Variants in EDA observed in about 807,000 individuals in gnomAD.
EDA encodes ectodysplasin-A.
Under a neutral mutation model 23.6 loss-of-function variants are expected in EDA, and 2 were observed. That is an observed-to-expected ratio of 0.08 (90% confidence interval 0.03 to 0.27). The LOEUF is 0.27. EDA is among the 10% of genes least tolerant of loss of function. The pLI, the probability that EDA is intolerant of heterozygous loss-of-function variation, is 1.00. For missense variants in EDA, 229 were observed against 324.2 expected (o/e 0.71, Z 2.26); for synonymous variants, 131 against 132.0 (o/e 0.99, Z 0.05).
chrX:69,737,156 A>C (rs1392820021), intron 1 of EDA, among the ~76,000 whole-genome samples: 1 of 111,882 alleles, frequency 8.9e-6, no homozygotes, highest in Non-Finnish European at 1.9e-5. Context: ...TGAGTCTCTT[A>C]TGGACAACAT....
chrX:69,798,242 G>T (rs757864533), intron 1 of EDA, among the ~76,000 whole-genome samples: 11 of 110,776 alleles, frequency 9.9e-5, no homozygotes, highest in African/African-American at 3.3e-4. Context: ...TCCACTCTCG[G>T]TATTAGACAG....
In EDA at chrX:69,851,478, A is replaced by G. The variant is rs564397433; in HGVS notation, c.397-105549A>G. On this transcript the variant is annotated intron_variant, in intron 1 of 7. Transcript: ENST00000374552. ...ATAACTTATGCCAACAATGCTTTGG[A>G]TGTATTCACCTATGTGTGCATCTGT... 2.4e-4 allele frequency among the ~76,000 whole-genome samples: 27 copies of G among 112,517 alleles called. No homozygotes were observed. In the South Asian group the frequency reaches 9.1e-3, roughly 38 times the overall value.
intron 1 of EDA, among the ~76,000 whole-genome samples, chrX:69,716,347 T>C: frequency 8.9e-6 from 1 of 111,900 alleles, no homozygotes; most frequent in Non-Finnish European, 1.9e-5. Flanking sequence ...ATTGCTTGTT[T>C]TTGTTGACTT....
chrX:69,696,646 T>C (rs993395728), intron 1 of EDA, among the ~76,000 whole-genome samples: 1 of 111,936 alleles, frequency 8.9e-6, no homozygotes, highest in African/African-American at 3.2e-5. Flanking sequence ...TTGATTAGGA[T>C]TTTCAACTCT....
intron 1 of EDA, among the ~76,000 whole-genome samples, chrX:69,631,625 C>CTTT (rs201914976): frequency 9.9e-6 from 1 of 101,057 alleles, no homozygotes. Context: ...CTGTTAAAAT[C>CTTT]TTTTTTTTTT....
chrX:70,013,946 G>A lies in EDA; in HGVS notation c.503-9272G>A, dbSNP rs1175153340. On this transcript the variant is annotated intron_variant, in intron 2 of 7. Coordinates refer to ENST00000374552, the MANE Select transcript of EDA (RefSeq NM_001399.5). Reference sequence around the variant, plus strand: ...GCAGGGTGCCCTGGCTTGGGCCCACGGCACAGCTGCCCTACCCCAGGCTGA... The same window carrying A: ...GCAGGGTGCCCTGGCTTGGGCCCACAGCACAGCTGCCCTACCCCAGGCTGA... Among the ~76,000 whole-genome samples, 4 of 112,024 alleles carry A rather than the reference G, an allele frequency of 3.6e-5. 1 individual carries two copies. In the Middle Eastern group the frequency reaches 0.014, roughly 385 times the overall value.
At chrX:69,826,285 T>A (rs1338879621) in intron 1 of EDA, among the ~76,000 whole-genome samples, 1 of 110,971 alleles carries the variant, frequency 9.0e-6, no homozygotes, top group African/African-American at 3.3e-5. Context: ...ATCTGTCTAA[T>A]GTTGACAGTG....
At chrX:69,627,549 A>T (rs763210584) in intron 1 of EDA, among the ~76,000 whole-genome samples, 1 of 111,797 alleles carries the variant, frequency 8.9e-6, no homozygotes, top group Admixed American at 9.5e-5. Context: ...GACCATGGGC[A>T]TATATAGTTT....
chrX:69,781,602 G>T (rs1351185816), intron 1 of EDA, among the ~76,000 whole-genome samples: 2 of 111,617 alleles, frequency 1.8e-5, no homozygotes, highest in African/African-American at 6.5e-5. Context: ...TAAAGTTGAA[G>T]TTAGTCATGT....
intron 3 of EDA, among the ~76,000 whole-genome samples, chrX:70,023,795 A>G (rs190674416): frequency 4.5e-4 from 50 of 111,799 alleles, no homozygotes; most frequent in African/African-American, 1.4e-3. Context: ...CCAAAGAGTC[A>G]GGGAAGGTAT....
intron 1 of EDA, among the ~76,000 whole-genome samples, chrX:69,682,669 C>T (rs982330354): frequency 2.7e-5 from 3 of 111,796 alleles, no homozygotes; most frequent in Non-Finnish European, 5.6e-5. Context: ...AATGCCTCGC[C>T]CTGCTTCGGC....
At chrX:69,832,984 A>G (rs1303792916) in intron 1 of EDA, among the ~76,000 whole-genome samples, 1 of 111,743 alleles carries the variant, frequency 8.9e-6, no homozygotes, top group African/African-American at 3.3e-5. Context: ...GTCATCTGCA[A>G]ACAGGGACAA....
intron 2 of EDA, among the ~76,000 whole-genome samples, chrX:69,997,575 A>G (rs1449490340): frequency 8.8e-6 from 1 of 113,128 alleles, no homozygotes; most frequent in Non-Finnish European, 1.9e-5. Context: ...AAATTTGCAT[A>G]AGTAATCAGA....
At chrX:69,957,486 A>C (rs41310665) in intron 2 of EDA, 66,742 of 178,302 alleles carry the variant, frequency 0.37, 9,838 homozygotes, top group African/African-American at 0.42. Context: ...CTCAAAAAAA[A>C]AAAAACAAAA....
intron 2 of EDA, among the ~76,000 whole-genome samples, chrX:70,001,802 C>G (rs930528881): frequency 3.6e-5 from 4 of 112,205 alleles, no homozygotes; most frequent in Non-Finnish European, 7.5e-5. Context: ...ATCCCAAGAG[C>G]TGGAGATGGA....
At chrX:70,014,811 C>T in intron 2 of EDA, among the ~76,000 whole-genome samples, 1 of 111,784 alleles carries the variant, frequency 8.9e-6, no homozygotes, top group Non-Finnish European at 1.9e-5. Flanking sequence ...TAAGGAAGAA[C>T]CTCAGATCTC....
At chrX:69,966,657 G>C (rs1188833537) in intron 2 of EDA, among the ~76,000 whole-genome samples, 1 of 109,856 alleles carries the variant, frequency 9.1e-6, no homozygotes, top group Non-Finnish European at 1.9e-5. Flanking sequence ...GTTGCCAAAA[G>C]GAGGGATAAC....
chrX:69,782,630 A>G (rs923367696), intron 1 of EDA, among the ~76,000 whole-genome samples: 1 of 111,550 alleles, frequency 9.0e-6, no homozygotes, highest in Non-Finnish European at 1.9e-5. Flanking sequence ...TGTCTCAGTG[A>G]TAGAGTTCTG....
At chrX:69,781,418 A>G (rs1208117567) in intron 1 of EDA, among the ~76,000 whole-genome samples, 2 of 111,640 alleles carry the variant, frequency 1.8e-5, no homozygotes, top group Non-Finnish European at 3.8e-5. Context: ...CTGTCTGTAA[A>G]TAAAGTTTTA....
Sources: gnomAD v4.1 joint callset for allele counts (sites outside exome capture counted in the v4.1 genomes callset) on GRCh38, gnomAD v4.1.1 for gene constraint, MANE v1.5 for transcripts, NCBI Gene and HGNC (gene_info 2026-07-23, HGNC 2026-07-21) for gene names.